Variants in RASD2 observed in about 807,000 individuals in gnomAD.
RASD2 encodes RASD family member 2.
A neutral mutation model predicts 15.8 loss-of-function variants in RASD2; 7 were observed. The observed-to-expected ratio is 0.44, with a 90% CI of 0.25 to 0.83. The LOEUF (loss-of-function observed/expected upper bound fraction) is 0.83. Ranked by LOEUF, RASD2 falls within the 40% of genes least tolerant of loss-of-function variation. RASD2 has a pLI of 0.20. For synonymous variants in RASD2, 155 were observed against 153.6 expected, an observed-to-expected ratio of 1.01 and a Z score of -0.07; for missense variants, 274 against 382.8, an observed-to-expected ratio of 0.72 and a Z score of 2.37.
intron 1 of RASD2, among the ~76,000 whole-genome samples, chr22:35,545,178 G>T (rs2145871209): frequency 6.6e-6 from 1 of 152,334 alleles, no homozygotes; most frequent in East Asian, 1.9e-4. Flanking sequence ...CCGGTTTCCT[G>T]CACAGAGGCT....
At position 35,551,730 on chromosome 22, in the gene RASD2, G is replaced by C; in HGVS notation, c.499G>C (p.Ala167Pro). 1 of 1,613,818 alleles carries C rather than the reference G, an allele frequency of 6.2e-7. No homozygotes were observed. The highest frequency in any genetic ancestry group is 8.5e-7 in the Non-Finnish European group (1 of 1,179,930). The change falls in exon 3 of 3, where the codon GCC (alanine) becomes CCC (proline). Residue 167 changes from alanine to proline, a missense_variant. Physicochemically the swap from Ala to Pro is conservative, Grantham distance 27. Transcript: ENST00000216127. This position sits in a 1 kb window ranked among gnomAD's most constrained non-coding sequence, Gnocchi z 4.9. Reference sequence around the variant, plus strand: ...GCTGGTGTCGGGCGACGAGAACTGCGCCTACTTCGAGGTGTCGGCCAAGAA... The same window carrying C: ...GCTGGTGTCGGGCGACGAGAACTGCCCCTACTTCGAGGTGTCGGCCAAGAA... ...ELLVSGDENCAYFEVSAKKNT... is the reference protein window; with the variant it reads ...ELLVSGDENCPYFEVSAKKNT...
chr22:35,538,406 G>A (rs1464227527), upstream of RASD2, among the ~76,000 whole-genome samples: 2 of 152,078 alleles, frequency 1.3e-5, no homozygotes, highest in Non-Finnish European at 2.9e-5. Flanking sequence ...GACGAAGGGG[G>A]CAGCTATGAC....
chr22:35,552,093 C>A lies in RASD2; in HGVS notation c.*61C>A. On this transcript the variant is annotated 3_prime_UTR_variant, in exon 3 of 3. Coordinates refer to ENST00000216127, the MANE Select transcript of RASD2 (RefSeq NM_014310.4). ...TCAGGGAGGTGGCCCCAGATGCCCA[C>A]TGTGCGCATCTCCCCACCGAGGCCC... 2 of 1,525,964 alleles carry A rather than the reference C, an allele frequency of 1.3e-6. No individual in the cohort carries two copies. Among genetic ancestry groups the A allele is most frequent in the South Asian group, 1.2e-5 (1 of 81,502 alleles). 94.5% of individuals were successfully genotyped at this position (1,525,964 alleles called of 1,614,324 possible).
At chr22:35,547,538 G>T (rs1934539019) in intron 2 of RASD2, among the ~76,000 whole-genome samples, 1 of 152,224 alleles carries the variant, frequency 6.6e-6, no homozygotes, top group African/African-American at 2.4e-5. Flanking sequence ...AAGGGGGCTT[G>T]GTCATGGTCA....
chr22:35,542,016 C>A (rs989932480), intron 1 of RASD2, among the ~76,000 whole-genome samples: 1 of 152,136 alleles, frequency 6.6e-6, no homozygotes, highest in African/African-American at 2.4e-5. Context: ...TGATTCCCTT[C>A]CCAGGAGGGG....
upstream of RASD2, among the ~76,000 whole-genome samples, chr22:35,537,515 G>A (rs1476435089): frequency 1.3e-5 from 2 of 152,142 alleles, no homozygotes; most frequent in Non-Finnish European, 2.9e-5. Context: ...GCACTTCGCA[G>A]TTTATTTTAA....
intron 2 of RASD2, among the ~76,000 whole-genome samples, chr22:35,548,119 G>A (rs1199782082): frequency 6.6e-6 from 1 of 152,206 alleles, no homozygotes; most frequent in Non-Finnish European, 1.5e-5. Context: ...AGGTTGGGGG[G>A]AAGAAGGGGT....
chr22:35,534,318 A>G, the RASD2 span, among the ~76,000 whole-genome samples: 1 of 152,256 alleles, frequency 6.6e-6, no homozygotes, highest in Non-Finnish European at 1.5e-5. Flanking sequence ...ATCCGAGAGC[A>G]GATCCTAGCC....
Position 35,552,136 on chromosome 22 carries a change from A to G in RASD2, c.*104A>G. ...CGAGGCCCCGGCAGCAGTCTTGTTC[A>G]CAGACCTTAGGCACCAGACTGGAGG... is the stretch of plus-strand genomic sequence containing the variant. On this transcript the variant is annotated 3_prime_UTR_variant, in exon 3 of 3. Coordinates refer to ENST00000216127, the MANE Select transcript of RASD2 (RefSeq NM_014310.4). The G allele has an allele frequency of 7.0e-7, 1 of 1,421,912 alleles. No individual in the cohort carries two copies. The allele number at this position is 1,421,912 out of a possible 1,614,324, so 88.1% of individuals were successfully genotyped here. A position where few individuals can be genotyped will look rare whatever the true frequency, so the allele number is the denominator to read the frequency against.
Position 35,551,225 on chromosome 22 carries a change from G to A in RASD2, c.272-278G>A, listed in dbSNP as rs1429581312. 4.6e-5 allele frequency among the ~76,000 whole-genome samples: 7 copies of A among 152,180 alleles called. No homozygotes were observed. Among genetic ancestry groups the A allele is most frequent in the African/African-American group, 1.7e-4 (7 of 41,452 alleles). ...AGCCCTGCAAAGAAATGTGAAGTGA[G>A]TTAACTGTATTTGAACCAAGTGGTC... is the stretch of plus-strand genomic sequence containing the variant. On this transcript the variant is annotated intron_variant, in intron 2 of 2. Coordinates refer to ENST00000216127, the MANE Select transcript of RASD2 (RefSeq NM_014310.4). The surrounding 1 kb of genome is among the most constrained non-coding windows in gnomAD (Gnocchi z 4.9).
Position 35,547,078 on chromosome 22 carries a change from C to A in RASD2, c.269C>A (p.Thr90Lys). Residue 90 changes from threonine to lysine, a missense_variant and splice_region_variant, in exon 2 of 3, where the codon ACA (threonine) becomes AAA (lysine). Transcript: ENST00000216127. The stretch of plus-strand genomic sequence containing the variant: ...GCCATGCGCAGGCTGTCCATCCTCA[C>A]AGGTGAGGCCCACTGGTGCCTGGGC... ...FPAMRRLSIL[T>K]GDVFILVFSL... The A allele has an allele frequency of 6.2e-7, 1 of 1,611,200 alleles. No individual in the cohort carries two copies. Among genetic ancestry groups the A allele is most frequent in the African/African-American group, 1.3e-5 (1 of 75,030 alleles).
the RASD2 span, among the ~76,000 whole-genome samples, chr22:35,534,103 T>C: frequency 6.6e-6 from 1 of 152,332 alleles, no homozygotes; most frequent in South Asian, 2.1e-4. Context: ...AAAGGATAGT[T>C]GTTCAAACAC....
intron 1 of RASD2, among the ~76,000 whole-genome samples, chr22:35,546,560 T>C (rs1934507263): frequency 6.6e-6 from 1 of 152,118 alleles, no homozygotes; most frequent in Non-Finnish European, 1.5e-5. Context: ...AGGAGTCCGG[T>C]GCTTGCATAA....
chr22:35,545,857 G>A (rs144953461), intron 1 of RASD2, among the ~76,000 whole-genome samples: 1,744 of 152,170 alleles, frequency 0.011, 34 homozygotes, highest in African/African-American at 0.039. Flanking sequence ...AGGGAGGGCT[G>A]GGCTGTGAAG....
At chr22:35,536,582 C>T (rs912631990), upstream of RASD2, among the ~76,000 whole-genome samples, 3 of 152,222 alleles carry the variant, frequency 2.0e-5, no homozygotes, top group African/African-American at 4.8e-5. Flanking sequence ...GCCTCGGCCT[C>T]CCAAAGTGCT....
the RASD2 span, among the ~76,000 whole-genome samples, chr22:35,533,392 C>A: frequency 6.6e-6 from 1 of 152,164 alleles, no homozygotes; most frequent in African/African-American, 2.4e-5. Context: ...GGGCCCAGGC[C>A]AAGGGACTCA....
chr22:35,551,741 G>T lies in RASD2; in HGVS notation c.510G>T (p.Glu170Asp). 6.2e-7 allele frequency: 1 copy of T among 1,613,948 alleles called. No homozygotes were observed. The highest frequency in any genetic ancestry group is 8.5e-7 in the Non-Finnish European group (1 of 1,179,982). ...GCGACGAGAACTGCGCCTACTTCGAGGTGTCGGCCAAGAAGAACACCAACG... is the reference window on the plus strand; with the variant it reads ...GCGACGAGAACTGCGCCTACTTCGATGTGTCGGCCAAGAAGAACACCAACG... The part of the protein sequence containing the change: ...VSGDENCAYF[E>D]VSAKKNTNVD... Residue 170 changes from glutamate to aspartate, a missense_variant, in exon 3 of 3, where the codon GAG becomes GAT. Coordinates refer to ENST00000216127, the MANE Select transcript of RASD2 (RefSeq NM_014310.4). This position sits in a 1 kb window ranked among gnomAD's most constrained non-coding sequence, Gnocchi z 4.9.
At chr22:35,540,372 G>C (rs937735632), upstream of RASD2, among the ~76,000 whole-genome samples, 1 of 149,834 alleles carries the variant, frequency 6.7e-6, no homozygotes, top group African/African-American at 2.4e-5. Context: ...CGCAGACCGC[G>C]GCGCCCCGGA....
At chr22:35,549,367 C>T (rs1031441937) in intron 2 of RASD2, among the ~76,000 whole-genome samples, 1 of 152,176 alleles carries the variant, frequency 6.6e-6, no homozygotes, top group African/African-American at 2.4e-5. Flanking sequence ...CTGGTGGAAC[C>T]TCATTTTTTC....
Sources: gnomAD v4.1 joint callset for allele counts (sites outside exome capture counted in the v4.1 genomes callset) on GRCh38, gnomAD v4.1.1 for gene constraint, Gnocchi (gnomAD v3.1) non-coding constraint, MANE v1.5 for transcripts, NCBI Gene and HGNC (gene_info 2026-07-23, HGNC 2026-07-21) for gene names.